Variants in UNC13C observed in about 807,000 individuals in gnomAD.
UNC13C encodes protein unc-13 homolog C.
In UNC13C, 174 loss-of-function variants were observed where a neutral mutation model predicts 245.4. The ratio of observed to expected loss-of-function variants is 0.71; its 90% CI spans 0.63 to 0.80. UNC13C has a LOEUF of 0.80. UNC13C is among the 30% of genes least tolerant of loss of function. The pLI, the probability that UNC13C is intolerant of heterozygous loss-of-function variation, is 0.00. For missense variants in UNC13C, 2,829 were observed against 2,602.9 expected (o/e 1.09, Z -1.89); for synonymous variants, 992 against 895.1 (o/e 1.11, Z -1.93).
chr15:54,208,091 A>G (rs987592449), intron 4 of UNC13C, among the ~76,000 whole-genome samples: 2 of 152,114 alleles, frequency 1.3e-5, no homozygotes, highest in African/African-American at 4.8e-5. Flanking sequence ...GAAGTTTACA[A>G]TCACAGTAGA....
the UNC13C span, among the ~76,000 whole-genome samples, chr15:53,904,192 G>A: frequency 6.6e-6 from 1 of 152,142 alleles, no homozygotes; most frequent in Non-Finnish European, 1.5e-5. Context: ...TGAGATGGTA[G>A]ACTCTCTTGG....
intron 17 of UNC13C, among the ~76,000 whole-genome samples, chr15:54,379,312 G>A (rs1421243751): frequency 1.3e-5 from 2 of 152,014 alleles, no homozygotes; most frequent in East Asian, 1.9e-4. Context: ...GGAATTGTGT[G>A]TAGTTGGAAA....
chr15:53,997,317 C>G (rs1458258289), intron 1 of UNC13C, among the ~76,000 whole-genome samples: 1 of 152,056 alleles, frequency 6.6e-6, no homozygotes, highest in Non-Finnish European at 1.5e-5. Context: ...GAGTGTGATA[C>G]AAATCAGATG....
chr15:54,126,441 T>C (rs139344405), intron 2 of UNC13C, among the ~76,000 whole-genome samples: 11 of 152,152 alleles, frequency 7.2e-5, no homozygotes, highest in African/African-American at 2.4e-4. Context: ...AAAATGAATA[T>C]GCACCAAATA....
At chr15:53,852,101 A>G in the UNC13C span, among the ~76,000 whole-genome samples, 1 of 152,274 alleles carries the variant, frequency 6.6e-6, no homozygotes, top group East Asian at 1.9e-4. Context: ...ATCTGGAGGT[A>G]GGGACAGTCT....
At chr15:54,626,113 T>C (rs888152484) in intron 32 of UNC13C, among the ~76,000 whole-genome samples, 1 of 152,110 alleles carries the variant, frequency 6.6e-6, no homozygotes. Flanking sequence ...AATATGAGAA[T>C]GAACAAAAAT....
At chr15:54,197,599 A>C (rs967097257) in intron 4 of UNC13C, among the ~76,000 whole-genome samples, 2 of 152,194 alleles carry the variant, frequency 1.3e-5, no homozygotes, top group African/African-American at 4.8e-5. Flanking sequence ...TTGTGGATGC[A>C]AACTTTTTCA....
At chr15:54,534,428 A>G (rs939748896) in intron 26 of UNC13C, among the ~76,000 whole-genome samples, 175 of 152,310 alleles carry the variant, frequency 1.1e-3, no homozygotes, top group African/African-American at 4.2e-3. Flanking sequence ...AAGCAAAAAA[A>G]CACTATTCGA....
chr15:53,851,902 C>T, the UNC13C span, among the ~76,000 whole-genome samples: 2 of 152,206 alleles, frequency 1.3e-5, no homozygotes, highest in Non-Finnish European at 2.9e-5. Flanking sequence ...CCCTGTACCT[C>T]ATCCCATGCA....
chr15:54,352,933 A>G (rs1330579000), intron 17 of UNC13C, among the ~76,000 whole-genome samples: 1 of 152,142 alleles, frequency 6.6e-6, no homozygotes, highest in African/African-American at 2.4e-5. Flanking sequence ...TTACAATTTT[A>G]TCTATTGAAA....
chr15:54,130,767 C>T (rs1431007933), intron 2 of UNC13C, among the ~76,000 whole-genome samples: 3 of 152,086 alleles, frequency 2.0e-5, no homozygotes, highest in Admixed American at 2.0e-4. Context: ...TCTCCACTTC[C>T]GTAGTTAATT....
At chr15:54,140,545 G>A (rs769977418) in intron 2 of UNC13C, among the ~76,000 whole-genome samples, 6 of 152,184 alleles carry the variant, frequency 3.9e-5, no homozygotes, top group Non-Finnish European at 5.9e-5. Context: ...TGACAGCAGG[G>A]AGAAGTGTCA....
At chr15:54,042,405 T>C (rs1896844359) in intron 2 of UNC13C, among the ~76,000 whole-genome samples, 1 of 152,150 alleles carries the variant, frequency 6.6e-6, no homozygotes, top group South Asian at 2.1e-4. Flanking sequence ...AATATACTGA[T>C]ACTGCTAAGA....
At chr15:54,389,713 A>C (rs1241335069) in intron 17 of UNC13C, among the ~76,000 whole-genome samples, 3 of 151,882 alleles carry the variant, frequency 2.0e-5, no homozygotes, top group Admixed American at 2.0e-4. Context: ...GTGTGTACAC[A>C]GCCTGTCTTT....
At chr15:53,995,334 C>T (rs1894574318) in intron 1 of UNC13C, among the ~76,000 whole-genome samples, 1 of 151,876 alleles carries the variant, frequency 6.6e-6, no homozygotes, top group Non-Finnish European at 1.5e-5. Flanking sequence ...ATCTTACTAC[C>T]CTTCAGATAA....
At chr15:54,374,899 T>A (rs1395975341) in intron 17 of UNC13C, among the ~76,000 whole-genome samples, 3 of 152,374 alleles carry the variant, frequency 2.0e-5, no homozygotes, top group South Asian at 4.1e-4. Flanking sequence ...AGCAGATCAC[T>A]GCAGTATCCA....
intron 4 of UNC13C, among the ~76,000 whole-genome samples, chr15:54,147,789 C>CGTGTGTGTGTGTGTGTGT (rs56353727): frequency 0.19 from 28,506 of 147,254 alleles, 3,201 homozygotes; most frequent in East Asian, 0.28. Context: ...AAGGTGTGTG[C>CGTGTGTGTGTGTGTGTGT]GTGTGTGTGT....
intron 20 of UNC13C, 25 bp downstream of exon 20, chr15:54,494,759 A>C: frequency 1.2e-6 from 2 of 1,602,708 alleles, no homozygotes; most frequent in East Asian, 4.5e-5. Flanking sequence ...TAACACACAC[A>C]CCCTCAGATC....
intron 14 of UNC13C, among the ~76,000 whole-genome samples, chr15:54,322,804 A>T (rs1293274205): frequency 1.3e-5 from 2 of 152,004 alleles, no homozygotes; most frequent in East Asian, 3.9e-4. Context: ...CAGAATTAAA[A>T]ATGAGTGGAG....
Sources: gnomAD v4.1 joint callset for allele counts (sites outside exome capture counted in the v4.1 genomes callset) on GRCh38, gnomAD v4.1.1 for gene constraint, MANE v1.5 for transcripts, NCBI Gene and HGNC (gene_info 2026-07-23, HGNC 2026-07-21) for gene names.